MLANA: variants seen among roughly 807,000 people sequenced by gnomAD.
The protein encoded by MLANA is melan-A, also known as melanoma antigen recognized by T-cells 1.
A neutral mutation model predicts 15.7 loss-of-function variants in MLANA; 21 were observed. The ratio of observed to expected loss-of-function variants is 1.33; its 90% CI spans 0.95 to 1.92. MLANA has a LOEUF of 1.92. MLANA is among the 40% of genes most tolerant of loss of function. The pLI, the probability that MLANA is intolerant of heterozygous loss-of-function variation, is 0.00. For synonymous variants in MLANA, 56 were observed against 51.5 expected (o/e 1.09, Z -0.37); for missense variants, 164 against 143.8 (o/e 1.14, Z -0.72).
intron 3 of MLANA, 138 bp from the exon 4 acceptor site, chr9:5,906,747 T>A (rs974635772): frequency 1.9e-6 from 1 of 535,296 alleles, no homozygotes. Context: ...GGTAAAGTGA[T>A]GAGACTGAAG....
chr9:5,895,835 G>A (rs1831979018), intron 2 of MLANA, among the ~76,000 whole-genome samples: 1 of 152,218 alleles, frequency 6.6e-6, no homozygotes, highest in Non-Finnish European at 1.5e-5. Context: ...GGCATACCCT[G>A]GTGCTTTTCG....
chr9:5,907,381 C>G (rs913074190), intron 4 of MLANA, among the ~76,000 whole-genome samples: 2 of 152,068 alleles, frequency 1.3e-5, no homozygotes, highest in Non-Finnish European at 2.9e-5. Flanking sequence ...GGATAAAGTA[C>G]CTATTATTTA....
Position 5,892,536 on chromosome 9 carries a change from A to G in MLANA, c.62A>G (p.Tyr21Cys). 5 of 1,613,344 alleles carry G rather than the reference A, an allele frequency of 3.1e-6. No homozygotes were observed. The highest frequency in any genetic ancestry group is 4.2e-6 in the Non-Finnish European group (5 of 1,179,802). ...GYPKKGHGHS[Y>C]TTAEEAAGIG... The stretch of plus-strand genomic sequence containing the variant: ...CCCAAGAAGGGGCACGGCCACTCTT[A>G]CACCACGGCTGAAGAGTAAGTTCAA... The change falls in exon 2 of 5, where the codon TAC (tyrosine) becomes TGC (cysteine). Residue 21 changes from tyrosine to cysteine, a missense_variant. Physicochemically the swap from Tyr to Cys is radical, Grantham distance 194 (BLOSUM62 -2). Coordinates refer to ENST00000381477, the MANE Select transcript of MLANA (RefSeq NM_005511.2).
intron 3 of MLANA, among the ~76,000 whole-genome samples, chr9:5,905,314 C>A (rs1832728259): frequency 6.6e-6 from 1 of 152,192 alleles, no homozygotes; most frequent in Non-Finnish European, 1.5e-5. Flanking sequence ...TGAGTGTTGG[C>A]CATGACGGGA....
intron 3 of MLANA, chr9:5,899,266 G>A (rs1174179947): frequency 6.6e-6 from 1 of 152,222 alleles, no homozygotes; most frequent in Non-Finnish European, 1.5e-5. Context: ...CTGTGAAAGA[G>A]AGGAGGGTTG....
intron 3 of MLANA, 26 bp from the exon 4 acceptor site, chr9:5,906,859 C>T: frequency 7.0e-7 from 1 of 1,432,446 alleles, no homozygotes; most frequent in Non-Finnish European, 9.4e-7. Context: ...TTCTCACCCA[C>T]TCACCTTTAT....
intron 1 of MLANA, 85 bp from the exon 2 acceptor site, chr9:5,892,365 T>G: frequency 1.5e-5 from 13 of 895,890 alleles, no homozygotes; most frequent in East Asian, 2.7e-5. Context: ...GGTCACCTAG[T>G]GAGGATGCTG....
intron 4 of MLANA, among the ~76,000 whole-genome samples, chr9:5,907,940 CA>C (rs1832923654): frequency 6.6e-6 from 1 of 152,088 alleles, no homozygotes; most frequent in African/African-American, 2.4e-5. Flanking sequence ...GAGACAAGAG[CA>C]AAACTCCATC....
At chr9:5,903,439 T>G (rs926126876) in intron 3 of MLANA, among the ~76,000 whole-genome samples, 3 of 152,234 alleles carry the variant, frequency 2.0e-5, no homozygotes, top group Non-Finnish European at 2.9e-5. Context: ...TTTTTGCATC[T>G]ATATTTATGA....
intron 4 of MLANA, among the ~76,000 whole-genome samples, chr9:5,907,752 A>T (rs1832911733): frequency 6.6e-6 from 1 of 152,216 alleles, no homozygotes; most frequent in Admixed American, 6.5e-5. Flanking sequence ...CAGGAGCTCG[A>T]GACCAGCCTG....
chr9:5,904,136 G>C (rs1177692418), intron 3 of MLANA, among the ~76,000 whole-genome samples: 1 of 152,156 alleles, frequency 6.6e-6, no homozygotes, highest in East Asian at 1.9e-4. Context: ...TGGGATTACA[G>C]GTGTGAGCCA....
intron 2 of MLANA, among the ~76,000 whole-genome samples, chr9:5,896,974 C>G (rs1265695728): frequency 6.6e-6 from 1 of 152,240 alleles, no homozygotes; most frequent in Admixed American, 6.5e-5. Context: ...GATTCAGGTT[C>G]AAATCCAGCC....
At chr9:5,901,471 C>T (rs1832420461) in intron 3 of MLANA, among the ~76,000 whole-genome samples, 1 of 152,134 alleles carries the variant, frequency 6.6e-6, no homozygotes, top group South Asian at 2.1e-4. Context: ...TTGATACAAT[C>T]TTGCAAATTT....
At chr9:5,891,594 G>C (rs1831660722) in intron 1 of MLANA, among the ~76,000 whole-genome samples, 1 of 152,102 alleles carries the variant, frequency 6.6e-6, no homozygotes, top group African/African-American at 2.4e-5. Flanking sequence ...TAAGAGAGCA[G>C]AAAAATACAC....
chr9:5,897,456 G>A, intron 2 of MLANA, 101 bp from the exon 3 acceptor site: 1 of 1,058,948 alleles, frequency 9.4e-7, no homozygotes, highest in Non-Finnish European at 1.5e-6. Flanking sequence ...TGCTGCTCTG[G>A]GTCGTCAAAG....
chr9:5,897,701 T>C (rs1166284154), intron 3 of MLANA, 48 bp downstream of exon 3: 1 of 1,426,266 alleles, frequency 7.0e-7, no homozygotes, highest in Admixed American at 1.7e-5. Flanking sequence ...CAGGGCCCTC[T>C]TTCCAGTTCT....
intron 3 of MLANA, among the ~76,000 whole-genome samples, chr9:5,905,194 A>C (rs1832719837): frequency 6.6e-6 from 1 of 152,204 alleles, no homozygotes; most frequent in African/African-American, 2.4e-5. Context: ...GAGTATCTTA[A>C]AATAATCCTA....
intron 2 of MLANA, among the ~76,000 whole-genome samples, chr9:5,893,956 T>C (rs1259531140): frequency 1.5e-5 from 2 of 137,358 alleles, no homozygotes; most frequent in South Asian, 2.4e-4. Flanking sequence ...TCTTGCTGTG[T>C]TGTAAATGAA....
chr9:5,910,143 C>A lies in MLANA; in HGVS notation c.*1435C>A, dbSNP rs2130022686. 1 of 152,300 alleles carries A rather than the reference C, an allele frequency of 6.6e-6. No individual in the cohort carries two copies. Among genetic ancestry groups the A allele is most frequent in the South Asian group, 2.1e-4 (1 of 4,820 alleles). 9.4% of individuals were successfully genotyped at this position (152,300 alleles called of 1,614,324 possible). A position where few individuals can be genotyped will look rare whatever the true frequency, so the allele number is the denominator to read the frequency against. On this transcript the variant is annotated 3_prime_UTR_variant, in exon 5 of 5. Transcript: ENST00000381477. The stretch of plus-strand genomic sequence containing the variant: ...GGATCAGAGAAAAGTTAAAGGCTGT[C>A]TTTGACATAACTGGAAGGCTTACAA...
Sources: allele counts gnomAD v4.1 joint callset (sites outside exome capture counted in the v4.1 genomes callset), GRCh38; gene constraint gnomAD v4.1.1; transcripts MANE v1.5; gene names NCBI Gene and HGNC (gene_info 2026-07-23, HGNC 2026-07-21).